Variants in CFAP299 observed in about 807,000 individuals in gnomAD.
CFAP299 encodes cilia and flagella associated protein 299.
A neutral mutation model predicts 27.0 loss-of-function variants in CFAP299; 21 were observed. That is an observed-to-expected ratio of 0.78 (90% CI 0.55 to 1.12). The LOEUF is 1.12. Among genes scored for constraint, CFAP299 ranks in the 50% most tolerant of loss-of-function variants. The pLI is 0.00. For synonymous variants in CFAP299, 104 were observed against 98.1 expected (o/e 1.06, Z -0.36); for missense variants, 310 against 276.6 (o/e 1.12, Z -0.86).
chr4:80,831,756 A>C lies in CFAP299; in HGVS notation c.334-38237A>C, dbSNP rs373333428. Among the ~76,000 whole-genome samples, 12 of 152,282 alleles carry C rather than the reference A, an allele frequency of 7.9e-5. No individual in the cohort carries two copies. In the South Asian group the frequency reaches 1.9e-3, roughly 24 times the overall value. ...TACCATTCATATTCCAAATGTATAC[A>C]ACTGATACTACCCATTGGGGACATA... On this transcript the variant is annotated intron_variant, in intron 3 of 5. Transcript: ENST00000358105.
chr4:80,955,370 A>G (rs1380608979), intron 5 of CFAP299, among the ~76,000 whole-genome samples: 1 of 152,210 alleles, frequency 6.6e-6, no homozygotes, highest in African/African-American at 2.4e-5. Context: ...CTAAAAATGT[A>G]TAGCCATTTA....
chr4:80,392,781 G>A (rs1214779511), intron 2 of CFAP299, among the ~76,000 whole-genome samples: 1 of 151,876 alleles, frequency 6.6e-6, no homozygotes, highest in Non-Finnish European at 1.5e-5. Context: ...AAAAAAAAGT[G>A]TAGCATATAT....
At chr4:80,824,798 A>G (rs1283144618) in intron 3 of CFAP299, among the ~76,000 whole-genome samples, 1 of 152,156 alleles carries the variant, frequency 6.6e-6, no homozygotes, top group Non-Finnish European at 1.5e-5. Flanking sequence ...CCTGGGAAAG[A>G]GAGAAAGTTT....
At chr4:80,791,256 A>G (rs1269591193) in intron 3 of CFAP299, among the ~76,000 whole-genome samples, 1 of 152,052 alleles carries the variant, frequency 6.6e-6, no homozygotes, top group Non-Finnish European at 1.5e-5. Context: ...CAGGAAAAAT[A>G]TATAAATCTG....
In CFAP299 at chr4:80,425,735, C is replaced by T. The variant is rs1431540820; in HGVS notation, c.242+62851C>T. Among the ~76,000 whole-genome samples the T allele has an allele frequency of 2.0e-5, 3 of 152,116 alleles. No homozygotes were observed. In the East Asian group the frequency reaches 5.8e-4, roughly 29 times the overall value. On this transcript the variant is annotated intron_variant, in intron 2 of 5. Transcript: ENST00000358105. ...GTACTGAATTTTAATCACATGTTGC[C>T]TTGTTACATATTCACTGTTTAAAAA...
At position 80,421,064 on chromosome 4, in the gene CFAP299, C is replaced by T. The variant is rs188396691; in HGVS notation, c.242+58180C>T. On this transcript the variant is annotated intron_variant, in intron 2 of 5. Coordinates refer to ENST00000358105, the MANE Select transcript of CFAP299 (RefSeq NM_152770.3). Reference sequence around the variant, plus strand: ...CTTTCCACCAAGAAGGAAATGACCTCTTTCCTTATCTCCTCATATATAATC... The same window carrying T: ...CTTTCCACCAAGAAGGAAATGACCTTTTTCCTTATCTCCTCATATATAATC... Among the ~76,000 whole-genome samples the T allele has an allele frequency of 1.7e-4, 26 of 152,254 alleles. No homozygotes were observed. In the East Asian group the frequency reaches 5.0e-3, roughly 29 times the overall value.
intron 3 of CFAP299, among the ~76,000 whole-genome samples, chr4:80,736,093 C>T (rs902134982): frequency 6.6e-6 from 1 of 152,036 alleles, no homozygotes; most frequent in Non-Finnish European, 1.5e-5. Context: ...TAATTAGATC[C>T]CATTTGTCAA....
chr4:80,783,369 G>A (rs1052057661), intron 3 of CFAP299, among the ~76,000 whole-genome samples: 6 of 151,330 alleles, frequency 4.0e-5, no homozygotes, highest in Non-Finnish European at 5.9e-5. Context: ...GGGCCATTTT[G>A]GGGGCTGGCT....
chr4:80,819,990 T>C (rs920768878), intron 3 of CFAP299, among the ~76,000 whole-genome samples: 2 of 152,118 alleles, frequency 1.3e-5, no homozygotes, highest in African/African-American at 4.8e-5. Flanking sequence ...TGTTTTTGTT[T>C]TTAATCTCCA....
At chr4:80,721,500 G>A (rs1031461255) in intron 3 of CFAP299, among the ~76,000 whole-genome samples, 2 of 152,086 alleles carry the variant, frequency 1.3e-5, no homozygotes, top group Non-Finnish European at 2.9e-5. Context: ...AAGGGCACCA[G>A]TTATGTTAGA....
rs148936721 is a variant in CFAP299 at position 80,588,012 on chromosome 4, C to G, written c.333+4829C>G. ...AAAACCTGTTGTGGCATGATGGAAG[C>G]ATGATACTATAGAGGAAGAAGCTAG... On this transcript the variant is annotated intron_variant, in intron 3 of 5. Coordinates refer to ENST00000358105, the MANE Select transcript of CFAP299 (RefSeq NM_152770.3). Among the ~76,000 whole-genome samples, 184 of 151,326 alleles carry G rather than the reference C, an allele frequency of 1.2e-3. 17 individuals are homozygous for G. The highest frequency in any genetic ancestry group is 4.4e-3 in the African/African-American group (178 of 40,648).
intron 2 of CFAP299, among the ~76,000 whole-genome samples, chr4:80,489,666 C>T (rs1289754266): frequency 6.6e-6 from 1 of 152,172 alleles, no homozygotes; most frequent in Non-Finnish European, 1.5e-5. Context: ...CTGATACCTA[C>T]CTAACAGTGA....
intron 2 of CFAP299, among the ~76,000 whole-genome samples, chr4:80,497,603 T>C (rs71596010): frequency 0.15 from 23,212 of 152,066 alleles, 2,656 homozygotes; most frequent in African/African-American, 0.33. Context: ...CATATCTTTT[T>C]TTACCCTACA....
intron 2 of CFAP299, among the ~76,000 whole-genome samples, chr4:80,385,452 T>C (rs528824343): frequency 1.3e-5 from 2 of 152,314 alleles, no homozygotes; most frequent in African/African-American, 4.8e-5. Flanking sequence ...CTTTTCTTTT[T>C]TTTTTAATGA....
intron 2 of CFAP299, among the ~76,000 whole-genome samples, chr4:80,451,926 A>G (rs1253941706): frequency 1.3e-5 from 2 of 152,238 alleles, no homozygotes; most frequent in Non-Finnish European, 2.9e-5. Flanking sequence ...TAGGTCCTAT[A>G]GTAAACACTA....
chr4:80,894,511 G>C (rs113542232), intron 4 of CFAP299, among the ~76,000 whole-genome samples: 1 of 152,036 alleles, frequency 6.6e-6, no homozygotes, highest in African/African-American at 2.4e-5. Flanking sequence ...GCCCAGAGTA[G>C]GTAGATGCTA....
intron 2 of CFAP299, among the ~76,000 whole-genome samples, chr4:80,575,325 A>T (rs374118454): frequency 6.0e-5 from 9 of 149,932 alleles, no homozygotes; most frequent in African/African-American, 2.3e-4. Flanking sequence ...TTTCACTTTC[A>T]TTAAATTTTT....
chr4:80,535,385 C>T (rs1733683755), intron 2 of CFAP299, among the ~76,000 whole-genome samples: 1 of 70,272 alleles, frequency 1.4e-5, no homozygotes, highest in Non-Finnish European at 2.4e-5. Context: ...GTCCCAGCTA[C>T]TTGGGAGGCT....
At chr4:80,843,912 C>CCCCACAA (rs1408101439) in intron 3 of CFAP299, among the ~76,000 whole-genome samples, 5,784 of 151,812 alleles carry the variant, frequency 0.038, 202 homozygotes, top group African/African-American at 0.097. Flanking sequence ...CCTCCCCACT[C>CCCCACAA]TCCACAATAG....
Sources: gnomAD v4.1 joint callset for allele counts (sites outside exome capture counted in the v4.1 genomes callset) on GRCh38, gnomAD v4.1.1 for gene constraint, MANE v1.5 for transcripts, NCBI Gene and HGNC (gene_info 2026-07-23, HGNC 2026-07-21) for gene names.